PDE4D: variants seen among roughly 807,000 people sequenced by gnomAD.
PDE4D encodes the protein phosphodiesterase 4D, also known as 3',5'-cyclic-AMP phosphodiesterase 4D.
In PDE4D, 24 loss-of-function variants were observed where a neutral mutation model predicts 87.4. The observed-to-expected ratio is 0.27, with a 90% CI of 0.20 to 0.39. PDE4D has a LOEUF of 0.39. PDE4D is among the 10% of genes least tolerant of loss of function. The probability of loss-of-function intolerance (pLI) is 1.00; values close to 1 mark genes in which losing one functional copy is unlikely to be tolerated. For missense variants in PDE4D, 714 were observed against 1,041.0 expected, an observed-to-expected ratio of 0.69 and a Z score of 4.32; for synonymous variants, 384 against 383.2, an observed-to-expected ratio of 1.00 and a Z score of -0.02.
intron 2 of PDE4D, among the ~76,000 whole-genome samples, chr5:60,081,770 C>T (rs573156858): frequency 1.1e-4 from 16 of 151,724 alleles, no homozygotes; most frequent in Middle Eastern, 6.8e-3. Flanking sequence ...AGTATTGGTC[C>T]TCAATCTCTT....
intron 2 of PDE4D, among the ~76,000 whole-genome samples, chr5:60,129,885 G>A (rs1246585856): frequency 6.6e-6 from 1 of 152,144 alleles, no homozygotes; most frequent in Non-Finnish European, 1.5e-5. Context: ...CCTTGCTGCA[G>A]CCTGAATGTA....
chr5:60,306,316 G>A (rs1754498887), intron 1 of PDE4D, among the ~76,000 whole-genome samples: 1 of 151,872 alleles, frequency 6.6e-6, no homozygotes, highest in South Asian at 2.1e-4. Context: ...AATGATGTGT[G>A]GTAAAGGATG....
intron 1 of PDE4D, among the ~76,000 whole-genome samples, chr5:59,597,527 AAGAG>A (rs746518336): frequency 4.3e-4 from 65 of 151,046 alleles, no homozygotes; most frequent in Middle Eastern, 3.4e-3. Flanking sequence ...GAGAGAGAGA[AAGAG>A]AGAGAGAGAG....
At chr5:59,352,944 A>G (rs1047612182) in intron 1 of PDE4D, among the ~76,000 whole-genome samples, 1 of 152,204 alleles carries the variant, frequency 6.6e-6, no homozygotes, top group Non-Finnish European at 1.5e-5. Context: ...GGCAAAAATG[A>G]GATTTGGAGA....
At chr5:59,737,167 G>C (rs1758181352) in intron 1 of PDE4D, among the ~76,000 whole-genome samples, 1 of 152,016 alleles carries the variant, frequency 6.6e-6, no homozygotes, top group African/African-American at 2.4e-5. Context: ...TTGTCTAATT[G>C]AGTACAATGA....
intron 1 of PDE4D, among the ~76,000 whole-genome samples, chr5:59,428,967 A>C (rs769033597): frequency 2.6e-5 from 4 of 152,128 alleles, no homozygotes; most frequent in African/African-American, 4.8e-5. Flanking sequence ...TTTCAAATAT[A>C]TTTTCTTGTA....
At chr5:60,345,749 C>A (rs912509782) in intron 1 of PDE4D, among the ~76,000 whole-genome samples, 1 of 151,974 alleles carries the variant, frequency 6.6e-6, no homozygotes, top group African/African-American at 2.4e-5. Context: ...TTTCTGCAAC[C>A]ATCCTTATGC....
At chr5:59,019,262 C>G (rs147531765) in intron 6 of PDE4D, among the ~76,000 whole-genome samples, 2 of 152,230 alleles carry the variant, frequency 1.3e-5, no homozygotes, top group Admixed American at 6.5e-5. Flanking sequence ...GCCCTTATCA[C>G]TCTTACACCT....
At chr5:60,229,794 A>G (rs936033341) in intron 1 of PDE4D, among the ~76,000 whole-genome samples, 1 of 152,150 alleles carries the variant, frequency 6.6e-6, no homozygotes, top group African/African-American at 2.4e-5. Flanking sequence ...GAAGTAGTAG[A>G]TCAATTGGCA....
At chr5:59,602,885 C>T (rs1178507305) in intron 1 of PDE4D, among the ~76,000 whole-genome samples, 1 of 151,980 alleles carries the variant, frequency 6.6e-6, no homozygotes, top group Non-Finnish European at 1.5e-5. Context: ...TAAACCCCTA[C>T]ATCTACAGTG....
intron 1 of PDE4D, among the ~76,000 whole-genome samples, chr5:60,226,931 C>A (rs957545655): frequency 6.6e-6 from 1 of 152,022 alleles, no homozygotes; most frequent in Non-Finnish European, 1.5e-5. Context: ...TTAATTCTAA[C>A]CTCGCCATCC....
intron 3 of PDE4D, among the ~76,000 whole-genome samples, chr5:59,943,989 A>G (rs1232776983): frequency 6.6e-6 from 1 of 152,240 alleles, no homozygotes; most frequent in Non-Finnish European, 1.5e-5. Context: ...GAGCCAAACA[A>G]TGCACTAAAA....
At chr5:59,115,438 G>A (rs1208230477) in intron 5 of PDE4D, among the ~76,000 whole-genome samples, 1 of 152,122 alleles carries the variant, frequency 6.6e-6, no homozygotes, top group Non-Finnish European at 1.5e-5. Context: ...TATCAGTTGT[G>A]ACTTTCCCTG....
intron 1 of PDE4D, among the ~76,000 whole-genome samples, chr5:60,332,607 A>G (rs1040982960): frequency 1.4e-4 from 22 of 152,252 alleles, no homozygotes; most frequent in African/African-American, 5.1e-4. Flanking sequence ...AAAAATCAAC[A>G]GTATCCAAAT....
chr5:59,988,739 G>T, intron 2 of PDE4D: 1 of 1,395,934 alleles, frequency 7.2e-7, no homozygotes, highest in Non-Finnish European at 1.0e-6. Context: ...ATTCAAGAAA[G>T]TACATATAAT....
intron 1 of PDE4D, among the ~76,000 whole-genome samples, chr5:59,244,680 CTGTGTGTGTGTGTG>C (rs369829189): frequency 3.5e-4 from 42 of 120,052 alleles, no homozygotes; most frequent in Admixed American, 7.9e-4. Flanking sequence ...GTGTGTGTGT[CTGTGTGTGTGTGTG>C]TGTGTGTGTG....
intron 1 of PDE4D, among the ~76,000 whole-genome samples, chr5:59,404,817 T>C (rs1162697285): frequency 6.6e-6 from 1 of 152,224 alleles, no homozygotes; most frequent in African/African-American, 2.4e-5. Context: ...GAAGTCTAGT[T>C]TCATTCTTCT....
intron 1 of PDE4D, among the ~76,000 whole-genome samples, chr5:59,534,865 G>A (rs1814866062): frequency 6.6e-6 from 1 of 152,176 alleles, no homozygotes; most frequent in Admixed American, 6.5e-5. Context: ...CAAAGCAGTA[G>A]TGGTGGTGAT....
At chr5:59,867,446 C>A (rs773513308) in intron 1 of PDE4D, among the ~76,000 whole-genome samples, 6 of 151,992 alleles carry the variant, frequency 3.9e-5, no homozygotes, top group Non-Finnish European at 5.9e-5. Context: ...ATAATGCAAT[C>A]TATTAAAAAG....
Sources: gnomAD v4.1 joint callset for allele counts (sites outside exome capture counted in the v4.1 genomes callset) on GRCh38, gnomAD v4.1.1 for gene constraint, MANE v1.5 for transcripts, NCBI Gene and HGNC (gene_info 2026-07-23, HGNC 2026-07-21) for gene names.